Variants in SLC24A2 observed in about 807,000 individuals in gnomAD.
SLC24A2 encodes the protein sodium/potassium/calcium exchanger 2.
In SLC24A2, 36 loss-of-function variants were observed where a neutral mutation model predicts 62.0. The observed-to-expected ratio is 0.58, with a 90% confidence interval of 0.44 to 0.77. The LOEUF is 0.77. Ranked by LOEUF, SLC24A2 falls within the 30% of genes least tolerant of loss-of-function variation. The probability of loss-of-function intolerance (pLI) is 0.00; values close to 1 mark genes in which losing one functional copy is unlikely to be tolerated. For synonymous variants in SLC24A2, 358 were observed against 294.0 expected, an observed-to-expected ratio of 1.22 and a Z score of -2.23; for missense variants, 846 against 817.9, an observed-to-expected ratio of 1.03 and a Z score of -0.42.
At chr9:20,221,656 A>G in the SLC24A2 span, among the ~76,000 whole-genome samples, 20,758 of 151,710 alleles carry the variant, frequency 0.14, 1,675 homozygotes, top group African/African-American at 0.22. Context: ...AAATAAATCC[A>G]CAACTAGATA....
chr9:19,711,742 AAC>A (rs1223653627), intron 2 of SLC24A2, among the ~76,000 whole-genome samples: 2 of 152,378 alleles, frequency 1.3e-5, no homozygotes, highest in Non-Finnish European at 2.9e-5. Context: ...AAAGTTGGAA[AAC>A]AGAGTCACTG....
the SLC24A2 span, among the ~76,000 whole-genome samples, chr9:20,029,834 G>C: frequency 6.6e-6 from 1 of 151,882 alleles, no homozygotes; most frequent in Admixed American, 6.6e-5. Flanking sequence ...CTGTGTGTGT[G>C]TATGTGTGTG....
chr9:19,985,483 A>G, the SLC24A2 span, among the ~76,000 whole-genome samples: 1 of 152,192 alleles, frequency 6.6e-6, no homozygotes, highest in African/African-American at 2.4e-5. Context: ...AGACACAAAC[A>G]CTATGTACTA....
At chr9:20,273,617 C>T in the SLC24A2 span, among the ~76,000 whole-genome samples, 1 of 152,210 alleles carries the variant, frequency 6.6e-6, no homozygotes, top group Non-Finnish European at 1.5e-5. Flanking sequence ...TAAGACGTGA[C>T]TTGCTCCTCC....
upstream of SLC24A2, chr9:19,789,054 G>A (rs868796123): frequency 7.6e-4 from 502 of 661,518 alleles, no homozygotes; most frequent in Non-Finnish European, 9.0e-4. Flanking sequence ...CTGTGAGCCC[G>A]GCGCTCCGAG....
chr9:19,705,895 A>C (rs2118558956), intron 2 of SLC24A2, among the ~76,000 whole-genome samples: 1 of 152,220 alleles, frequency 6.6e-6, no homozygotes, highest in South Asian at 2.1e-4. Flanking sequence ...GGTGCTGAAA[A>C]GAATGTATAT....
chr9:19,717,895 A>G (rs994803393), intron 2 of SLC24A2, among the ~76,000 whole-genome samples: 2 of 152,132 alleles, frequency 1.3e-5, no homozygotes, highest in African/African-American at 2.4e-5. Flanking sequence ...TTTAGTTACA[A>G]GAAGAAAATC....
the SLC24A2 span, among the ~76,000 whole-genome samples, chr9:19,838,455 C>CCACACACA: frequency 6.5e-3 from 939 of 144,828 alleles, 5 homozygotes; most frequent in Middle Eastern, 0.045. Context: ...AGACCTAAAA[C>CCACACACA]CACACACACA....
At chr9:19,695,640 G>C (rs7036637) in intron 2 of SLC24A2, among the ~76,000 whole-genome samples, 63,847 of 133,584 alleles carry the variant, frequency 0.48, 16,317 homozygotes, top group African/African-American at 0.73. Flanking sequence ...CACTAGGAGA[G>C]ATGCACAGAT....
chr9:20,152,922 G>A, the SLC24A2 span, among the ~76,000 whole-genome samples: 5 of 151,898 alleles, frequency 3.3e-5, no homozygotes, highest in East Asian at 1.9e-4. Context: ...AATTTGGAGC[G>A]TTAGTGATTG....
the SLC24A2 span, among the ~76,000 whole-genome samples, chr9:20,010,437 T>C: frequency 6.6e-6 from 1 of 152,060 alleles, no homozygotes; most frequent in Non-Finnish European, 1.5e-5. Context: ...TGACATATAA[T>C]TCAGAATAAT....
At chr9:20,123,209 C>A in the SLC24A2 span, among the ~76,000 whole-genome samples, 30 of 152,096 alleles carry the variant, frequency 2.0e-4, no homozygotes, top group Admixed American at 3.3e-4. Flanking sequence ...AAACTATAAG[C>A]TAGCTCTGTG....
the SLC24A2 span, among the ~76,000 whole-genome samples, chr9:20,111,130 C>T: frequency 6.6e-6 from 1 of 152,188 alleles, no homozygotes; most frequent in African/African-American, 2.4e-5. Flanking sequence ...GGGAAGCTGA[C>T]TTATGGTGGA....
In SLC24A2 at chr9:19,757,728, G is replaced by A. The variant is rs181691798; in HGVS notation, c.930+28209C>T. Among the ~76,000 whole-genome samples the A allele has an allele frequency of 3.9e-5, 6 of 152,278 alleles. No individual in the cohort carries two copies. The East Asian group carries it at 1.2e-3, about 29-fold the overall frequency. ...TTCACCAAAATTCACGTTGAAATTTGATCTTCAGTGTGTGCTGAGGATGTT... is the reference window on the plus strand; with the variant it reads ...TTCACCAAAATTCACGTTGAAATTTAATCTTCAGTGTGTGCTGAGGATGTT... On this transcript the variant is annotated intron_variant, in intron 2 of 10. Transcript: ENST00000341998.
intron 2 of SLC24A2, among the ~76,000 whole-genome samples, chr9:19,774,712 TA>T (rs1822793298): frequency 6.6e-6 from 1 of 152,146 alleles, no homozygotes; most frequent in Non-Finnish European, 1.5e-5. Context: ...GAAAGTTACT[TA>T]CAGAGAAGCA....
At chr9:19,550,833 G>C (rs1834809074) in intron 7 of SLC24A2, among the ~76,000 whole-genome samples, 1 of 151,082 alleles carries the variant, frequency 6.6e-6, no homozygotes, top group Admixed American at 6.6e-5. Context: ...ATTGATTTTT[G>C]TGTAGTTGTG....
At chr9:19,720,223 TTTA>T (rs1480275017) in intron 2 of SLC24A2, among the ~76,000 whole-genome samples, 25 of 152,354 alleles carry the variant, frequency 1.6e-4, no homozygotes, top group African/African-American at 5.3e-4. Flanking sequence ...AAATTTGTAA[TTTA>T]TTATTATCTT....
At chr9:19,980,484 C>A in the SLC24A2 span, among the ~76,000 whole-genome samples, 1 of 152,136 alleles carries the variant, frequency 6.6e-6, no homozygotes, top group Non-Finnish European at 1.5e-5. Context: ...GTGAGAATTA[C>A]ATGAAAAGAC....
chr9:20,003,547 CAA>C, the SLC24A2 span, among the ~76,000 whole-genome samples: 1 of 151,720 alleles, frequency 6.6e-6, no homozygotes, highest in East Asian at 1.9e-4. Flanking sequence ...AGTAAGAAGA[CAA>C]GAGAAAACCC....
Sources: allele counts gnomAD v4.1 joint callset (sites outside exome capture counted in the v4.1 genomes callset), GRCh38; gene constraint gnomAD v4.1.1; transcripts MANE v1.5; gene names NCBI Gene and HGNC (gene_info 2026-07-23, HGNC 2026-07-21).